Variants in CADM2 observed in about 807,000 individuals in gnomAD.
CADM2 encodes the protein immunoglobulin superfamily member 4D.
In CADM2, 12 loss-of-function variants were observed where a neutral mutation model predicts 49.8. The ratio of observed to expected loss-of-function variants is 0.24; its 90% CI spans 0.15 to 0.39. CADM2 has a LOEUF of 0.39. Ranked by LOEUF, CADM2 falls within the 10% of genes least tolerant of loss-of-function variation. The pLI, the probability that CADM2 is intolerant of heterozygous loss-of-function variation, is 1.00. For missense variants in CADM2, 378 were observed against 492.3 expected (o/e 0.77, Z 2.20); for synonymous variants, 214 against 175.4 (o/e 1.22, Z -1.74).
intron 1 of CADM2, among the ~76,000 whole-genome samples, chr3:85,040,552 A>G (rs1029761179): frequency 2.7e-5 from 4 of 150,712 alleles, no homozygotes; most frequent in African/African-American, 9.7e-5. Context: ...GCTAGTCGCT[A>G]GAGGAGAATT....
intron 1 of CADM2, among the ~76,000 whole-genome samples, chr3:85,183,019 A>G (rs371465373): frequency 6.6e-5 from 10 of 152,264 alleles, no homozygotes; most frequent in African/African-American, 2.4e-4. Context: ...AAAATATTAC[A>G]TGAAGATAGC....
intron 8 of CADM2, among the ~76,000 whole-genome samples, chr3:86,009,365 C>G (rs2106893103): frequency 6.9e-6 from 1 of 144,362 alleles, no homozygotes; most frequent in East Asian, 2.1e-4. Context: ...TCAATTATTT[C>G]AGAAATTTAA....
chr3:85,226,766 G>A (rs1246497545), intron 1 of CADM2, among the ~76,000 whole-genome samples: 1 of 152,082 alleles, frequency 6.6e-6, no homozygotes, highest in East Asian at 1.9e-4. Flanking sequence ...TGGGCATTTA[G>A]TGCTATAAAT....
chr3:85,657,912 G>A (rs1200081640), intron 1 of CADM2, among the ~76,000 whole-genome samples: 1 of 151,706 alleles, frequency 6.6e-6, no homozygotes, highest in Non-Finnish European at 1.5e-5. Flanking sequence ...GATCATACTG[G>A]AGTTAAATGA....
intron 6 of CADM2, among the ~76,000 whole-genome samples, chr3:85,923,781 A>G (rs1719468375): frequency 6.6e-6 from 1 of 152,214 alleles, no homozygotes; most frequent in Admixed American, 6.5e-5. Context: ...ATGGTAGCCA[A>G]TAATCAGCTC....
At chr3:85,321,141 T>C (rs1362466545) in intron 1 of CADM2, among the ~76,000 whole-genome samples, 1 of 49,832 alleles carries the variant, frequency 2.0e-5, no homozygotes, top group African/African-American at 1.2e-4. Flanking sequence ...TTTTTTTTTT[T>C]TTTTTTTTTT....
intron 1 of CADM2, among the ~76,000 whole-genome samples, chr3:84,975,820 T>G (rs1403362508): frequency 6.6e-6 from 1 of 151,886 alleles, no homozygotes; most frequent in African/African-American, 2.4e-5. Flanking sequence ...ATCTCTGAGA[T>G]GAACATCTTC....
intron 2 of CADM2, among the ~76,000 whole-genome samples, chr3:85,772,886 T>G (rs1269634448): frequency 1.8e-5 from 2 of 110,186 alleles, no homozygotes; most frequent in Admixed American, 8.8e-5. Context: ...ATTTCCAGTT[T>G]TTTTTTTTTT....
chr3:86,004,484 A>G (rs1730547263), intron 8 of CADM2, among the ~76,000 whole-genome samples: 1 of 152,190 alleles, frequency 6.6e-6, no homozygotes, highest in Non-Finnish European at 1.5e-5. Context: ...GAGGGCGCCA[A>G]ACTCTGACAC....
chr3:85,156,206 A>T (rs567162180), intron 1 of CADM2, among the ~76,000 whole-genome samples: 1 of 152,074 alleles, frequency 6.6e-6, no homozygotes, highest in Non-Finnish European at 1.5e-5. Flanking sequence ...GAAAGGATCA[A>T]CAAAATTGAT....
intron 1 of CADM2, among the ~76,000 whole-genome samples, chr3:85,543,421 T>TGTGTGTGGGTGTGTGTGTGTGG (rs1491106808): frequency 2.4e-5 from 1 of 41,852 alleles, no homozygotes. Context: ...GCCAAGCTAA[T>TGTGTGTGGGTGTGTGTGTGTGG]GTGTGTGTGT....
At chr3:85,947,872 A>G (rs1292000218) in intron 7 of CADM2, among the ~76,000 whole-genome samples, 1 of 151,512 alleles carries the variant, frequency 6.6e-6, no homozygotes, top group Non-Finnish European at 1.5e-5. Flanking sequence ...ACGATTATAG[A>G]TCCATAGAGG....
At chr3:85,690,323 T>C (rs1294329362) in intron 1 of CADM2, among the ~76,000 whole-genome samples, 1 of 145,576 alleles carries the variant, frequency 6.9e-6, no homozygotes, top group Admixed American at 6.8e-5. Context: ...TAATATTTGG[T>C]AAAAGTTTAG....
chr3:85,940,415 G>A (rs1005468033), intron 7 of CADM2, among the ~76,000 whole-genome samples: 1 of 151,974 alleles, frequency 6.6e-6, no homozygotes, highest in East Asian at 1.9e-4. Flanking sequence ...CAAATCACAG[G>A]TTATTTGCTA....
chr3:85,371,419 G>A (rs531505272), intron 1 of CADM2, among the ~76,000 whole-genome samples: 1 of 151,780 alleles, frequency 6.6e-6, no homozygotes, highest in Admixed American at 6.6e-5. Flanking sequence ...ACTACCTACA[G>A]CAGTCAGTGC....
chr3:86,056,064 C>A (rs184742556), intron 8 of CADM2, among the ~76,000 whole-genome samples: 1 of 152,116 alleles, frequency 6.6e-6, no homozygotes, highest in Admixed American at 6.6e-5. Context: ...TTTTATTTTC[C>A]GTTTGATCAC....
At chr3:85,086,720 G>C (rs1380814991) in intron 1 of CADM2, among the ~76,000 whole-genome samples, 2 of 151,916 alleles carry the variant, frequency 1.3e-5, no homozygotes, top group Non-Finnish European at 2.9e-5. Context: ...TGTTGGCCAG[G>C]CTGGTCTGGA....
chr3:85,839,814 C>A (rs1343856422), intron 3 of CADM2, among the ~76,000 whole-genome samples: 1 of 151,816 alleles, frequency 6.6e-6, no homozygotes, highest in East Asian at 1.9e-4. Flanking sequence ...GCTATGTATT[C>A]TTTACAGATC....
intron 1 of CADM2, among the ~76,000 whole-genome samples, chr3:85,239,090 T>TA (rs1254458064): frequency 2.0e-5 from 3 of 151,792 alleles, no homozygotes; most frequent in Non-Finnish European, 2.9e-5. Flanking sequence ...TGCATAGATA[T>TA]AAATTAATCA....
Sources: allele counts gnomAD v4.1 joint callset (sites outside exome capture counted in the v4.1 genomes callset), GRCh38; gene constraint gnomAD v4.1.1; transcripts MANE v1.5; gene names NCBI Gene and HGNC (gene_info 2026-07-23, HGNC 2026-07-21).